The following PDZRN4 variants were observed in gnomAD, a reference collection of about 807,000 sequenced individuals.
PDZRN4 encodes the protein PDZ domain-containing RING finger protein 4.
Under a neutral mutation model 99.0 loss-of-function variants are expected in PDZRN4, and 70 were observed. The observed-to-expected ratio is 0.71, with a 90% CI of 0.58 to 0.86. The LOEUF is 0.86. PDZRN4 is among the 40% of genes least tolerant of loss of function. The probability of loss-of-function intolerance (pLI) is 0.00; values close to 1 mark genes in which losing one functional copy is unlikely to be tolerated. For synonymous variants in PDZRN4, 551 were observed against 501.6 expected (o/e 1.10, Z -1.32); for missense variants, 1,474 against 1,331.2 (o/e 1.11, Z -1.67).
At chr12:41,520,095 A>T (rs540258149) in intron 5 of PDZRN4, among the ~76,000 whole-genome samples, 11 of 152,164 alleles carry the variant, frequency 7.2e-5, no homozygotes, top group African/African-American at 2.2e-4. Flanking sequence ...CTCTTCCTCC[A>T]CACTGTTCTA....
intron 3 of PDZRN4, among the ~76,000 whole-genome samples, chr12:41,437,188 T>C (rs938815241): frequency 5.3e-5 from 8 of 152,208 alleles, no homozygotes; most frequent in Admixed American, 1.3e-4. Context: ...GTTATTTTTG[T>C]AGTATCAGAA....
chr12:41,544,452 T>G (rs953660681), intron 5 of PDZRN4, among the ~76,000 whole-genome samples: 2 of 152,202 alleles, frequency 1.3e-5, no homozygotes, highest in Non-Finnish European at 2.9e-5. Context: ...CATGTGGGGC[T>G]TCTCATAAGC....
In PDZRN4 at chr12:41,295,525, C is replaced by T. The variant is rs376953049; in HGVS notation, c.843+101337C>T. Among the ~76,000 whole-genome samples, 26 of 151,976 alleles carry T rather than the reference C, an allele frequency of 1.7e-4. 1 individual carries two copies. The highest frequency in any genetic ancestry group is 6.0e-4 in the African/African-American group (25 of 41,432). On this transcript the variant is annotated intron_variant, in intron 3 of 9. Transcript: ENST00000402685. ...CAGAAATGCACTATCCCTATATCAC[C>T]CCCTCACCAAAATTAAACAGTCAAA... is the stretch of plus-strand genomic sequence containing the variant.
At chr12:41,256,415 A>T (rs994183748) in intron 3 of PDZRN4, among the ~76,000 whole-genome samples, 1 of 152,190 alleles carries the variant, frequency 6.6e-6, no homozygotes, top group African/African-American at 2.4e-5. Context: ...TTATCCTCTG[A>T]GATTATGTCT....
chr12:41,427,801 A>T (rs1380129413), intron 3 of PDZRN4, among the ~76,000 whole-genome samples: 1 of 152,092 alleles, frequency 6.6e-6, no homozygotes, highest in Non-Finnish European at 1.5e-5. Flanking sequence ...GGTTGAGAAA[A>T]CTTCAGGTCC....
chr12:41,493,902 G>A (rs539171090), intron 3 of PDZRN4, among the ~76,000 whole-genome samples: 1 of 69,874 alleles, frequency 1.4e-5, no homozygotes, highest in Non-Finnish European at 2.8e-5. Context: ...AAAAAATAAT[G>A]GGGGGGGGGA....
chr12:41,239,307 C>T (rs1566385381), intron 3 of PDZRN4, among the ~76,000 whole-genome samples: 1 of 151,982 alleles, frequency 6.6e-6, no homozygotes. Flanking sequence ...CACACTGGGG[C>T]CTGTTGGGTG....
At position 41,394,837 on chromosome 12, in the gene PDZRN4, C is replaced by T. The variant is rs61924118; in HGVS notation, c.844-111619C>T. 5.4e-5 allele frequency among the ~76,000 whole-genome samples: 8 copies of T among 149,066 alleles called. No individual in the cohort carries two copies. The South Asian group carries it at 8.6e-4, about 16-fold the overall frequency. On this transcript the variant is annotated intron_variant, in intron 3 of 9. Transcript: ENST00000402685. ...ATGAGAGAGAGAGAGAAAGAGAGGG[C>T]GAGAGAGAGAGAGAGCCAAACCAGA...
rs1390869060 is a variant in PDZRN4 at position 41,573,322 on chromosome 12, G to A, written c.2543G>A (p.Arg848Gln). The change falls in exon 10 of 10, where the codon CGG (arginine) becomes CAG (glutamine). Residue 848 changes from arginine (R) to glutamine (Q), a missense_variant. Transcript: ENST00000402685. ...TATGCAAACATCCCAGCACACGCCC[G>A]GCATTATCAAAGCTACATGCAGTTA... ...YRYANIPAHA[R>Q]HYQSYMQLIQ... 3 of 1,613,168 alleles carry A rather than the reference G, an allele frequency of 1.9e-6. No individual in the cohort carries two copies. Among genetic ancestry groups the A allele is most frequent in the East Asian group, 2.2e-5 (1 of 44,870 alleles).
chr12:41,370,925 T>C (rs1952036950), intron 3 of PDZRN4, among the ~76,000 whole-genome samples: 1 of 151,710 alleles, frequency 6.6e-6, no homozygotes, highest in South Asian at 2.1e-4. Context: ...TAATTCATGT[T>C]CAGTCATTTA....
chr12:41,349,987 A>T (rs1239412386), intron 3 of PDZRN4, among the ~76,000 whole-genome samples: 1 of 152,038 alleles, frequency 6.6e-6, no homozygotes, highest in Non-Finnish European at 1.5e-5. Flanking sequence ...ACAATTAAAA[A>T]AAATGAATAC....
intron 3 of PDZRN4, among the ~76,000 whole-genome samples, chr12:41,405,272 A>G (rs1952337584): frequency 6.6e-6 from 1 of 152,166 alleles, no homozygotes; most frequent in African/African-American, 2.4e-5. Flanking sequence ...CAACCATATT[A>G]AAAAATGGGC....
At position 41,290,247 on chromosome 12, in the gene PDZRN4, A is replaced by C. The variant is rs192962966; in HGVS notation, c.843+96059A>C. 1.2e-4 allele frequency among the ~76,000 whole-genome samples: 18 copies of C among 152,356 alleles called. 1 individual carries two copies. In the East Asian group the frequency reaches 2.3e-3, roughly 20 times the overall value. On this transcript the variant is annotated intron_variant, in intron 3 of 9. Coordinates refer to ENST00000402685, the MANE Select transcript of PDZRN4 (RefSeq NM_001164595.2). Reference sequence around the variant, plus strand: ...AGGGAAGACAGATTTTTAATAAAAAACTTTCAAAGCAAAATATCAAATATG... The same window carrying C: ...AGGGAAGACAGATTTTTAATAAAAACCTTTCAAAGCAAAATATCAAATATG...
At chr12:41,391,812 C>T (rs879432769) in intron 3 of PDZRN4, among the ~76,000 whole-genome samples, 3 of 152,038 alleles carry the variant, frequency 2.0e-5, no homozygotes, top group East Asian at 1.9e-4. Flanking sequence ...CTGACTTTAG[C>T]GAAGAAGTGC....
chr12:41,571,689 T>C (rs950130613), intron 9 of PDZRN4, among the ~76,000 whole-genome samples: 1 of 152,182 alleles, frequency 6.6e-6, no homozygotes, highest in African/African-American at 2.4e-5. Context: ...TATGGCATCC[T>C]GGACATATAA....
intron 3 of PDZRN4, chr12:41,460,218 G>A (rs1952858353): frequency 3.9e-6 from 2 of 515,240 alleles, no homozygotes; most frequent in South Asian, 4.3e-5. Context: ...AGTCAGGTAG[G>A]TTTTAGGAAT....
chr12:41,433,102 A>G (rs1169640646), intron 3 of PDZRN4, among the ~76,000 whole-genome samples: 2 of 152,230 alleles, frequency 1.3e-5, no homozygotes, highest in African/African-American at 4.8e-5. Flanking sequence ...AAAAAATTTC[A>G]GCATTTTAAT....
intron 3 of PDZRN4, among the ~76,000 whole-genome samples, chr12:41,209,761 G>T (rs2120691133): frequency 6.7e-6 from 1 of 148,728 alleles, no homozygotes; most frequent in Non-Finnish European, 1.5e-5. Context: ...GGACATTTGG[G>T]TTGGTTCCAA....
chr12:41,393,680 T>C (rs1366806380), intron 3 of PDZRN4, among the ~76,000 whole-genome samples: 1 of 152,200 alleles, frequency 6.6e-6, no homozygotes, highest in African/African-American at 2.4e-5. Context: ...TAAGAATTTA[T>C]GCAAGGCTTG....
Sources: allele counts gnomAD v4.1 joint callset (sites outside exome capture counted in the v4.1 genomes callset), GRCh38; gene constraint gnomAD v4.1.1; transcripts MANE v1.5; gene names NCBI Gene and HGNC (gene_info 2026-07-23, HGNC 2026-07-21).